Variants in CADM2 observed in about 807,000 individuals in gnomAD.
CADM2 encodes cell adhesion molecule 2, also known as immunoglobulin superfamily member 4D.
In CADM2, 12 loss-of-function variants were observed where a neutral mutation model predicts 49.8. The ratio of observed to expected loss-of-function variants is 0.24; its 90% CI spans 0.15 to 0.39. The LOEUF (loss-of-function observed/expected upper bound fraction) is 0.39, where lower values mean the gene tolerates loss of function less well. Ranked by LOEUF, CADM2 falls within the 10% of genes least tolerant of loss-of-function variation. CADM2 has a pLI of 1.00. For missense variants in CADM2, 378 were observed against 492.3 expected (o/e 0.77, Z 2.20); for synonymous variants, 214 against 175.4 (o/e 1.22, Z -1.74).
intron 3 of CADM2, among the ~76,000 whole-genome samples, chr3:85,870,015 A>G (rs867766473): frequency 2.0e-5 from 3 of 152,248 alleles, no homozygotes; most frequent in African/African-American, 7.2e-5. Flanking sequence ...ATAATCTACC[A>G]CTGCCAATCC....
chr3:85,363,902 C>T (rs1447625620), intron 1 of CADM2, among the ~76,000 whole-genome samples: 4 of 152,302 alleles, frequency 2.6e-5, no homozygotes, highest in South Asian at 4.1e-4. Flanking sequence ...TGAGCCACCG[C>T]GCCCGGCCTT....
chr3:86,057,149 A>G, intron 8 of CADM2, among the ~76,000 whole-genome samples: 1 of 152,188 alleles, frequency 6.6e-6, no homozygotes, highest in Non-Finnish European at 1.5e-5. Flanking sequence ...ACGACATAAT[A>G]GATGGCCCTT....
chr3:85,028,705 T>C (rs902044605), intron 1 of CADM2, among the ~76,000 whole-genome samples: 1 of 152,064 alleles, frequency 6.6e-6, no homozygotes, highest in Admixed American at 6.6e-5. Context: ...TACTCAGTTA[T>C]GTAAGAACTA....
At chr3:85,414,465 G>A (rs924398699) in intron 1 of CADM2, among the ~76,000 whole-genome samples, 1 of 152,128 alleles carries the variant, frequency 6.6e-6, no homozygotes, top group Non-Finnish European at 1.5e-5. Flanking sequence ...ATTATTAGTG[G>A]AACTGGAGTT....
rs571278048 is a variant in CADM2 at position 85,337,030 on chromosome 3, A to AATAT, written c.61+377372_61+377375dup. Among the ~76,000 whole-genome samples the AATAT allele has an allele frequency of 2.5e-3, 339 of 137,718 alleles. 4 individuals are homozygous for AATAT. The East Asian group carries it at 0.05, about 20-fold the overall frequency. The allele number at this position is 137,718 out of a possible 152,430, so 90.3% of individuals were successfully genotyped here. ...AATATAATATATATAAATAAATATA[A>AATAT]ATATATATATATAAATATATATATA... On this transcript the variant is annotated intron_variant, in intron 1 of 9. Coordinates refer to ENST00000383699, the MANE Select transcript of CADM2 (RefSeq NM_001167675.2).
Position 85,686,158 on chromosome 3 carries a change from C to A in CADM2, c.62-40364C>A, listed in dbSNP as rs189302903. 6.8e-3 allele frequency among the ~76,000 whole-genome samples: 1,033 copies of A among 152,186 alleles called. 8 individuals are homozygous for A. The highest frequency in any genetic ancestry group is 0.01 in the Non-Finnish European group (696 of 68,024). ...GCTGCATAAACTCACAGAATAAAAC[C>A]TACTTCCTTCTGTTTAATATCTAAT... On this transcript the variant is annotated intron_variant, in intron 1 of 9. Transcript: ENST00000383699.
At chr3:85,584,467 G>C (rs2062882002) in intron 1 of CADM2, among the ~76,000 whole-genome samples, 1 of 151,914 alleles carries the variant, frequency 6.6e-6, no homozygotes, top group Admixed American at 6.6e-5. Context: ...TTAACTACTT[G>C]GTTTTATTTG....
chr3:85,220,229 CTT>C (rs1468889409), intron 1 of CADM2, among the ~76,000 whole-genome samples: 1 of 151,854 alleles, frequency 6.6e-6, no homozygotes, highest in Admixed American at 6.6e-5. Flanking sequence ...ATCTCTAGGT[CTT>C]TTTTAGTTCA....
chr3:85,155,804 C>A (rs2040092053), intron 1 of CADM2, among the ~76,000 whole-genome samples: 1 of 152,148 alleles, frequency 6.6e-6, no homozygotes, highest in Admixed American at 6.5e-5. Flanking sequence ...AACTGCTCAA[C>A]TACATGGTAA....
chr3:85,624,107 A>G (rs1256985150), intron 1 of CADM2, among the ~76,000 whole-genome samples: 1 of 152,156 alleles, frequency 6.6e-6, no homozygotes, highest in Non-Finnish European at 1.5e-5. Context: ...ATTAAACAGT[A>G]GGCTAATTAA....
intron 1 of CADM2, among the ~76,000 whole-genome samples, chr3:85,663,395 T>C (rs1195466774): frequency 6.6e-6 from 1 of 152,012 alleles, no homozygotes; most frequent in Non-Finnish European, 1.5e-5. Context: ...CATGTTATTC[T>C]CTCTTTTCTC....
chr3:85,922,254 G>T (rs544499189), intron 6 of CADM2, among the ~76,000 whole-genome samples: 14 of 149,292 alleles, frequency 9.4e-5, no homozygotes, highest in African/African-American at 2.0e-4. Flanking sequence ...ATGTTATGTT[G>T]GTCAATTTGT....
chr3:85,358,856 A>G (rs1028869119), intron 1 of CADM2, among the ~76,000 whole-genome samples: 5 of 152,300 alleles, frequency 3.3e-5, no homozygotes, highest in Middle Eastern at 3.4e-3. Context: ...ATTTATTTTA[A>G]TGAACGATTG....
At chr3:84,979,551 C>T (rs1313979684) in intron 1 of CADM2, among the ~76,000 whole-genome samples, 2 of 152,194 alleles carry the variant, frequency 1.3e-5, no homozygotes, top group East Asian at 1.9e-4. Flanking sequence ...TTGTAAAACA[C>T]TTCTTCTAAG....
At chr3:85,557,543 A>T (rs4856276) in intron 1 of CADM2, among the ~76,000 whole-genome samples, 77,206 of 151,060 alleles carry the variant, frequency 0.51, 22,780 homozygotes, top group East Asian at 0.85. Context: ...TTTATTTAAT[A>T]ATGAAATATA....
At chr3:85,543,233 TATTTATTTATTTATTTA>T (rs2061584742) in intron 1 of CADM2, among the ~76,000 whole-genome samples, 4 of 149,226 alleles carry the variant, frequency 2.7e-5, no homozygotes, top group Admixed American at 6.7e-5. Context: ...CAACTCTTTT[TATTTATTTATTTATTTA>T]TTTTTTATTT....
intron 1 of CADM2, among the ~76,000 whole-genome samples, chr3:85,561,191 A>C (rs1232949981): frequency 6.6e-6 from 1 of 151,946 alleles, no homozygotes; most frequent in Non-Finnish European, 1.5e-5. Context: ...TCATGTTCAG[A>C]TTTTTCAGAT....
intron 1 of CADM2, among the ~76,000 whole-genome samples, chr3:85,339,518 C>T (rs2045183890): frequency 1.3e-5 from 2 of 150,896 alleles, no homozygotes; most frequent in South Asian, 4.2e-4. Flanking sequence ...TTTTCTGTGC[C>T]CTTCCTTTCA....
At chr3:85,179,025 A>C (rs1308669443) in intron 1 of CADM2, among the ~76,000 whole-genome samples, 2 of 151,978 alleles carry the variant, frequency 1.3e-5, no homozygotes, top group African/African-American at 4.8e-5. Flanking sequence ...ATGACTACAT[A>C]AAATGAAACC....
Sources: gnomAD v4.1 joint callset for allele counts (sites outside exome capture counted in the v4.1 genomes callset) on GRCh38, gnomAD v4.1.1 for gene constraint, MANE v1.5 for transcripts, NCBI Gene and HGNC (gene_info 2026-07-23, HGNC 2026-07-21) for gene names.